The following LAMA1 variants were observed in gnomAD, a reference collection of about 807,000 sequenced individuals.
LAMA1 encodes laminin subunit alpha-1.
A neutral mutation model predicts 348.7 loss-of-function variants in LAMA1; 219 were observed. The observed-to-expected ratio is 0.63, with a 90% CI of 0.56 to 0.70. LAMA1 has a LOEUF of 0.70. Ranked by LOEUF, LAMA1 falls within the 30% of genes least tolerant of loss-of-function variation. The pLI is 0.00. For missense variants in LAMA1, 3,744 were observed against 3,888.0 expected, an observed-to-expected ratio of 0.96 and a Z score of 0.99; for synonymous variants, 1,487 against 1,491.0, an observed-to-expected ratio of 1.00 and a Z score of 0.06.
At chr18:6,992,300 C>T (rs577583248) in intron 36 of LAMA1, among the ~76,000 whole-genome samples, 9 of 152,212 alleles carry the variant, frequency 5.9e-5, no homozygotes, top group East Asian at 3.9e-4. Flanking sequence ...GGAAACATCC[C>T]GGAATCACAG....
chr18:7,068,535 A>G (rs990668364), intron 3 of LAMA1, among the ~76,000 whole-genome samples: 2 of 152,210 alleles, frequency 1.3e-5, no homozygotes, highest in South Asian at 4.1e-4. Context: ...GATTGTAAGA[A>G]TCACAGGGGA....
intron 3 of LAMA1, among the ~76,000 whole-genome samples, chr18:7,062,265 TAGTCAGGGAAGTCTTCCCTGA>T (rs67791359): frequency 0.32 from 48,700 of 151,868 alleles, 8,842 homozygotes; most frequent in South Asian, 0.48. Flanking sequence ...AGAAGGCAGA[TAGTCAGGGAAGTCTTCCCTGA>T]AGGTAAGAGA....
chr18:7,064,906 G>A (rs749196589), intron 3 of LAMA1, among the ~76,000 whole-genome samples: 2 of 152,140 alleles, frequency 1.3e-5, no homozygotes, highest in Non-Finnish European at 2.9e-5. Flanking sequence ...CTGTTGAACT[G>A]CACTGGATCA....
intron 57 of LAMA1, among the ~76,000 whole-genome samples, chr18:6,953,105 A>C (rs2155696): frequency 2.8e-4 from 32 of 115,844 alleles, no homozygotes; most frequent in African/African-American, 9.3e-4. Flanking sequence ...GTGGATCCAC[A>C]CCATAGGAGC....
In LAMA1 at chr18:7,013,819, C is replaced by A; in HGVS notation, c.3359G>T (p.Cys1120Phe). 2 of 1,611,048 alleles carry A rather than the reference C, an allele frequency of 1.2e-6. No homozygotes were observed. The highest frequency in any genetic ancestry group is 1.7e-6 in the Non-Finnish European group (2 of 1,178,562). The change falls in exon 23 of 63, where the codon TGC becomes TTC. Residue 1120 changes from cysteine (C) to phenylalanine (F), a missense_variant. Around this residue, in one of 3 missense-constraint regions of LAMA1, gnomAD observed 1,529 missense variants for 1,689.4 expected, o/e 0.91. Transcript: ENST00000389658. ...GCVEETGACPCKENVFGPQCN... is the reference protein window; with the variant it reads ...GCVEETGACPFKENVFGPQCN... ...AGGAGGATGGATGGTAAATACCTTG[C>A]AAGGGCAGGCCCCGGTTTCCTCCAC...
chr18:6,963,067 T>A (rs537622179), intron 51 of LAMA1, among the ~76,000 whole-genome samples: 6 of 152,274 alleles, frequency 3.9e-5, no homozygotes, highest in African/African-American at 1.4e-4. Context: ...ACCTCATTTT[T>A]TTTTTTTCTC....
At chr18:7,006,783 T>G (rs1189103819) in intron 29 of LAMA1, among the ~76,000 whole-genome samples, 1 of 152,204 alleles carries the variant, frequency 6.6e-6, no homozygotes, top group Admixed American at 6.5e-5. Flanking sequence ...TGCATCTAAC[T>G]ATAACTAACA....
chr18:7,109,659 G>A (rs2058327897), intron 1 of LAMA1, among the ~76,000 whole-genome samples: 2 of 152,124 alleles, frequency 1.3e-5, no homozygotes, highest in Non-Finnish European at 2.9e-5. Flanking sequence ...AATATACCAC[G>A]TGCAGTTAGA....
At chr18:7,002,743 G>T (rs1478845218) in intron 29 of LAMA1, among the ~76,000 whole-genome samples, 5 of 152,096 alleles carry the variant, frequency 3.3e-5, no homozygotes, top group Admixed American at 2.6e-4. Flanking sequence ...ACACAGTCAG[G>T]GTTCAACAAC....
At chr18:7,055,153 T>C (rs1054378617) in intron 3 of LAMA1, among the ~76,000 whole-genome samples, 2 of 151,576 alleles carry the variant, frequency 1.3e-5, no homozygotes, top group African/African-American at 4.9e-5. Context: ...TATATATATG[T>C]ATATATAAAA....
chr18:7,029,710 GC>G (rs2057959815), intron 16 of LAMA1, among the ~76,000 whole-genome samples: 1 of 152,084 alleles, frequency 6.6e-6, no homozygotes, highest in Non-Finnish European at 1.5e-5. Context: ...AGACATGAGG[GC>G]CCAAGACATG....
intron 1 of LAMA1, among the ~76,000 whole-genome samples, chr18:7,098,335 C>G (rs1442004649): frequency 1.3e-5 from 2 of 151,434 alleles, no homozygotes; most frequent in Non-Finnish European, 2.9e-5. Flanking sequence ...AGGAGCCCCT[C>G]TGCCTGGCTG....
intron 1 of LAMA1, among the ~76,000 whole-genome samples, chr18:7,098,822 C>T (rs2058277062): frequency 7.9e-6 from 1 of 127,362 alleles, no homozygotes; most frequent in Admixed American, 8.2e-5. Flanking sequence ...TGCCCGGCCA[C>T]CGCCCCGTCC....
intron 3 of LAMA1, among the ~76,000 whole-genome samples, chr18:7,052,766 G>A (rs1233065313): frequency 1.3e-5 from 2 of 151,504 alleles, no homozygotes; most frequent in East Asian, 3.9e-4. Context: ...GCTCACGCCT[G>A]TAATCCCAGC....
intron 1 of LAMA1, among the ~76,000 whole-genome samples, chr18:7,109,695 G>A (rs2058328025): frequency 6.6e-6 from 1 of 152,184 alleles, no homozygotes; most frequent in Non-Finnish European, 1.5e-5. Flanking sequence ...TGCAATGGAA[G>A]CTAATAGTTC....
Position 6,948,468 on chromosome 18 carries a change from A to G in LAMA1, c.8645T>C (p.Val2882Ala). 1 of 1,614,080 alleles carries G rather than the reference A, an allele frequency of 6.2e-7. No homozygotes were observed. Among genetic ancestry groups the G allele is most frequent in the Non-Finnish European group, 8.5e-7 (1 of 1,180,018 alleles). The change falls in exon 60 of 63, where the codon GTG becomes GCG. Residue 2882 changes from valine to alanine, a missense_variant. This residue lies in a region of LAMA1 where 232 missense variants were observed against 264.4 expected (regional missense o/e 0.88). Coordinates refer to ENST00000389658, the MANE Select transcript of LAMA1 (RefSeq NM_005559.4). ...CTGGGCCACTGCGTAGCACCTGTTC[A>G]CCGTGAAGGCAGACACCGGGCTGTC... ...DKDSPVSAFT[V>A]NRCYAVAQEG...
Position 6,993,470 on chromosome 18 carries a change from C to G in LAMA1, c.5008+171G>C, listed in dbSNP as rs114347910. 2.8e-3 allele frequency among the ~76,000 whole-genome samples: 428 copies of G among 152,286 alleles called. 3 individuals carry two copies. The highest frequency in any genetic ancestry group is 9.2e-3 in the African/African-American group (382 of 41,564). Reference sequence around the variant, plus strand: ...TATGCATTTTTTTAAAGCTAAAACTCTCAGTCAAAGACTAAAGTTTGCACA... The same window carrying G: ...TATGCATTTTTTTAAAGCTAAAACTGTCAGTCAAAGACTAAAGTTTGCACA... On this transcript the variant is annotated intron_variant, in intron 35 of 62. Coordinates refer to ENST00000389658, the MANE Select transcript of LAMA1 (RefSeq NM_005559.4).
intron 1 of LAMA1, among the ~76,000 whole-genome samples, chr18:7,081,337 G>A (rs2058192652): frequency 6.6e-6 from 1 of 152,108 alleles, no homozygotes; most frequent in Non-Finnish European, 1.5e-5. Flanking sequence ...TGAAAGAAGG[G>A]CATTTATTCT....
At position 7,037,599 on chromosome 18, in the gene LAMA1, G is replaced by C. The variant is rs144105602; in HGVS notation, c.1716C>G (p.Pro572=). The stretch of plus-strand genomic sequence containing the variant: ...GCACCTTATTTCCAAGGTAGGCCTC[G>C]GGGGCTGCCCAGTAGTACTTGGGAG... ...RLAPKYYWAA[P]EAYLGNKLTA... Residue 572 remains proline (P), a synonymous_variant, in exon 12 of 63, where the codon CCC becomes CCG. Transcript: ENST00000389658. 6.2e-7 allele frequency: 1 copy of C among 1,613,964 alleles called. No homozygotes were observed. Among genetic ancestry groups the C allele is most frequent in the Admixed American group, 1.7e-5 (1 of 59,986 alleles).
Sources: gnomAD v4.1 joint callset for allele counts (sites outside exome capture counted in the v4.1 genomes callset) on GRCh38, gnomAD v4.1.1 for gene constraint, gnomAD v4.1.1 regional missense constraint, MANE v1.5 for transcripts, NCBI Gene and HGNC (gene_info 2026-07-23, HGNC 2026-07-21) for gene names.